Variants in DPYD observed in about 807,000 individuals in gnomAD.
DPYD encodes the protein dihydropyrimidine dehydrogenase [NADP(+)].
Under a neutral mutation model 116.2 loss-of-function variants are expected in DPYD, and 109 were observed. The ratio of observed to expected loss-of-function variants is 0.94; its 90% confidence interval spans 0.80 to 1.10. The LOEUF is 1.10. Among genes scored for constraint, DPYD ranks in the 50% least tolerant of loss-of-function variants. DPYD has a pLI of 0.00. For missense variants in DPYD, 1,302 were observed against 1,254.5 expected (o/e 1.04, Z -0.57); for synonymous variants, 440 against 432.0 (o/e 1.02, Z -0.23).
chr1:97,371,857 T>C (rs1671326725), intron 16 of DPYD, among the ~76,000 whole-genome samples: 1 of 152,170 alleles, frequency 6.6e-6, no homozygotes, highest in South Asian at 2.1e-4. Flanking sequence ...GTTCCTAAAT[T>C]TTTTTCAGCC....
intron 8 of DPYD, among the ~76,000 whole-genome samples, chr1:97,676,031 G>C (rs1660127070): frequency 6.6e-6 from 1 of 152,078 alleles, no homozygotes; most frequent in African/African-American, 2.4e-5. Flanking sequence ...ACAGGTGTGA[G>C]CCACCACGCC....
At chr1:97,081,712 C>A (rs866482963) in intron 22 of DPYD, among the ~76,000 whole-genome samples, 3 of 138,540 alleles carry the variant, frequency 2.2e-5, no homozygotes, top group South Asian at 4.6e-4. Flanking sequence ...CTTTTCTTTT[C>A]TTTTCTTTTT....
chr1:97,417,620 A>G (rs1466270242), intron 14 of DPYD, among the ~76,000 whole-genome samples: 2 of 152,178 alleles, frequency 1.3e-5, no homozygotes, highest in Non-Finnish European at 2.9e-5. Context: ...GTGTTGCCTG[A>G]TATATTTGAT....
intron 20 of DPYD, among the ~76,000 whole-genome samples, chr1:97,124,877 A>G (rs186548064): frequency 6.6e-6 from 1 of 152,236 alleles, no homozygotes; most frequent in East Asian, 1.9e-4. Flanking sequence ...AGGTTCATAA[A>G]TATTCTCTAA....
intron 14 of DPYD, 151 bp from the exon 15 acceptor site, chr1:97,382,612 G>T: frequency 2.1e-6 from 1 of 466,920 alleles, no homozygotes; most frequent in Non-Finnish European, 3.7e-6. Context: ...AAAATAGCAG[G>T]GTAAGATAGC....
At chr1:97,217,133 G>A (rs1660458464) in intron 19 of DPYD, among the ~76,000 whole-genome samples, 2 of 152,044 alleles carry the variant, frequency 1.3e-5, no homozygotes, top group South Asian at 2.1e-4. Flanking sequence ...GCTTGAACAC[G>A]GGAGGCGGAG....
chr1:97,698,214 C>A (rs1460320083), intron 6 of DPYD, among the ~76,000 whole-genome samples: 1 of 151,784 alleles, frequency 6.6e-6, no homozygotes, highest in African/African-American at 2.4e-5. Flanking sequence ...CATGCCCACA[C>A]TAAAGGGTCT....
intron 19 of DPYD, among the ~76,000 whole-genome samples, chr1:97,196,879 T>TA (rs1658855584): frequency 6.6e-6 from 1 of 152,202 alleles, no homozygotes; most frequent in Non-Finnish European, 1.5e-5. Context: ...CATACGTTTT[T>TA]AAAAATTTAA....
At chr1:97,768,494 T>C (rs556595653) in intron 3 of DPYD, among the ~76,000 whole-genome samples, 2 of 152,286 alleles carry the variant, frequency 1.3e-5, no homozygotes, top group East Asian at 3.9e-4. Context: ...TTCTCTTTTA[T>C]TGTCATTTTA....
chr1:97,744,447 AAAT>A (rs146771290), intron 3 of DPYD, among the ~76,000 whole-genome samples: 2,963 of 152,070 alleles, frequency 0.019, 82 homozygotes, highest in South Asian at 0.036. Context: ...CTCAGATAAA[AAAT>A]AATAATAAAA....
At chr1:97,780,905 A>C (rs955807125) in intron 3 of DPYD, among the ~76,000 whole-genome samples, 1 of 152,206 alleles carries the variant, frequency 6.6e-6, no homozygotes, top group Non-Finnish European at 1.5e-5. Context: ...TTTTTAAGAG[A>C]ATACAGCAAG....
intron 19 of DPYD, among the ~76,000 whole-genome samples, chr1:97,200,951 T>C (rs1029181923): frequency 6.6e-6 from 1 of 152,114 alleles, no homozygotes; most frequent in African/African-American, 2.4e-5. Flanking sequence ...AGTGAGGAAA[T>C]TGAAACCAAA....
intron 5 of DPYD, 110 bp downstream of exon 5, chr1:97,721,400 G>A (rs1214070363): frequency 1.5e-6 from 2 of 1,312,590 alleles, no homozygotes; most frequent in Non-Finnish European, 1.1e-6. Flanking sequence ...TGAGCTGTGT[G>A]TCACACTAAA....
chr1:97,551,191 T>C (rs1651296155), intron 11 of DPYD, among the ~76,000 whole-genome samples: 1 of 152,186 alleles, frequency 6.6e-6, no homozygotes, highest in Admixed American at 6.6e-5. Context: ...TTTTTTCGTC[T>C]TTCATTGAGA....
In DPYD at chr1:97,589,578, C is replaced by T. The variant is rs1246316496; in HGVS notation, c.1128+3640G>A. 6.6e-5 allele frequency among the ~76,000 whole-genome samples: 10 copies of T among 152,154 alleles called. No homozygotes were observed. The South Asian group carries it at 1.4e-3, about 22-fold the overall frequency. On this transcript the variant is annotated intron_variant, in intron 10 of 22. Transcript: ENST00000370192. ...CTTGCCTTTATAAATTACCCAGTCT[C>T]GGGCAGTTCTTCACAGCAGTATGAA...
intron 10 of DPYD, among the ~76,000 whole-genome samples, chr1:97,585,678 T>C (rs1449732902): frequency 6.6e-6 from 1 of 152,210 alleles, no homozygotes; most frequent in Non-Finnish European, 1.5e-5. Flanking sequence ...CATTGACTAA[T>C]GTGTGTTTAA....
At chr1:97,589,878 C>T (rs1201000479) in intron 10 of DPYD, among the ~76,000 whole-genome samples, 1 of 152,168 alleles carries the variant, frequency 6.6e-6, no homozygotes, top group Non-Finnish European at 1.5e-5. Flanking sequence ...TCAATCTTCA[C>T]TGACTCTAAA....
At chr1:97,426,556 T>C (rs1037552654) in intron 14 of DPYD, among the ~76,000 whole-genome samples, 1 of 152,062 alleles carries the variant, frequency 6.6e-6, no homozygotes, top group Non-Finnish European at 1.5e-5. Flanking sequence ...TCTCTCCAAA[T>C]GGCACTGCGA....
At chr1:97,826,392 T>C (rs1466782807) in intron 3 of DPYD, among the ~76,000 whole-genome samples, 1 of 134,716 alleles carries the variant, frequency 7.4e-6, no homozygotes, top group Non-Finnish European at 1.6e-5. Context: ...CACATCATTT[T>C]TCATTCACAT....
Sources: allele counts gnomAD v4.1 joint callset (sites outside exome capture counted in the v4.1 genomes callset), GRCh38; gene constraint gnomAD v4.1.1; transcripts MANE v1.5; gene names NCBI Gene and HGNC (gene_info 2026-07-23, HGNC 2026-07-21).